Variants in MYT1L observed in about 807,000 individuals in gnomAD.
The protein encoded by MYT1L is myelin transcription factor 1-like protein.
Under a neutral mutation model 126.7 loss-of-function variants are expected in MYT1L, and 12 were observed. The ratio of observed to expected loss-of-function variants is 0.09; its 90% confidence interval spans 0.06 to 0.15. The LOEUF (loss-of-function observed/expected upper bound fraction) is 0.15, where lower values mean the gene tolerates loss of function less well. Among genes scored for constraint, MYT1L ranks in the 10% least tolerant of loss-of-function variants. The probability of loss-of-function intolerance (pLI) is 1.00; values close to 1 mark genes in which losing one functional copy is unlikely to be tolerated. For missense variants in MYT1L, 979 were observed against 1,585.2 expected (o/e 0.62, Z 6.49); for synonymous variants, 541 against 604.2 (o/e 0.90, Z 1.53).
chr2:1,880,757 C>CTT (rs553237851), intron 18 of MYT1L, among the ~76,000 whole-genome samples: 257 of 152,286 alleles, frequency 1.7e-3, no homozygotes, highest in African/African-American at 5.9e-3. Context: ...AACCCATGGT[C>CTT]TGCGTTTTCT....
Position 2,311,374 on chromosome 2 carries a change from C to T in MYT1L, c.-521+19593G>A, listed in dbSNP as rs115913595. Among the ~76,000 whole-genome samples, 435 of 152,296 alleles carry T rather than the reference C, an allele frequency of 2.9e-3. 2 individuals carry two copies. The highest frequency in any genetic ancestry group is 4.8e-3 in the Admixed American group (73 of 15,298). ...CTGAGCGGCCTGGATCAGGCTACTG[C>T]TCTGCCTTATCTAATAAACATTCTC... On this transcript the variant is annotated intron_variant, in intron 1 of 24. Coordinates refer to ENST00000647738, the MANE Select transcript of MYT1L (RefSeq NM_001303052.2).
chr2:2,210,901 T>A (rs1382275766), intron 2 of MYT1L, among the ~76,000 whole-genome samples: 3 of 152,178 alleles, frequency 2.0e-5, no homozygotes, highest in African/African-American at 2.4e-5. Flanking sequence ...CAATTTTTTT[T>A]AAAATCAGTG....
chr2:1,910,407 T>C lies in MYT1L; in HGVS notation c.1710-60A>G, dbSNP rs2051788034. The C allele has an allele frequency of 6.8e-7, 1 of 1,463,316 alleles. No individual in the cohort carries two copies. Among genetic ancestry groups the C allele is most frequent in the Admixed American group, 1.7e-5 (1 of 58,644 alleles). 90.6% of individuals were successfully genotyped at this position (1,463,316 alleles called of 1,614,324 possible). A position where few individuals can be genotyped will look rare whatever the true frequency, so the allele number is the denominator to read the frequency against. ...CTCAAACACCTTCACAGCACACTAA[T>C]CCTCCCTTAGCACCAAGACCCTGAT... On this transcript the variant is annotated intron_variant, in intron 12 of 24. Coordinates refer to ENST00000647738, the MANE Select transcript of MYT1L (RefSeq NM_001303052.2). This position sits in a 1 kb window ranked among gnomAD's most constrained non-coding sequence, Gnocchi z 4.8.
chr2:2,328,180 T>C (rs1646784645), intron 1 of MYT1L, among the ~76,000 whole-genome samples: 3 of 152,310 alleles, frequency 2.0e-5, no homozygotes, highest in Admixed American at 2.0e-4. Context: ...ACTTTACAAA[T>C]CTTTGAAATT....
chr2:2,200,396 T>C (rs2093012118), intron 2 of MYT1L, among the ~76,000 whole-genome samples: 1 of 152,112 alleles, frequency 6.6e-6, no homozygotes. Flanking sequence ...GTCCATGCGT[T>C]TTTCTGCTTC....
chr2:2,099,442 T>G (rs2077802239), intron 3 of MYT1L, among the ~76,000 whole-genome samples: 1 of 151,538 alleles, frequency 6.6e-6, no homozygotes, highest in Admixed American at 6.6e-5. Flanking sequence ...GGCAAACAGG[T>G]CTCCTAATGG....
chr2:2,286,323 CA>C (rs1055197416), intron 1 of MYT1L, among the ~76,000 whole-genome samples: 9 of 152,286 alleles, frequency 5.9e-5, no homozygotes, highest in African/African-American at 1.9e-4. Flanking sequence ...GCATTTGTGA[CA>C]TGCTTTGGCT....
At chr2:2,063,899 T>C (rs1558896515) in intron 3 of MYT1L, among the ~76,000 whole-genome samples, 1 of 152,096 alleles carries the variant, frequency 6.6e-6, no homozygotes, top group South Asian at 2.1e-4. Flanking sequence ...ATTCCTAACA[T>C]ATCTCTACAG....
intron 5 of MYT1L, among the ~76,000 whole-genome samples, chr2:1,993,955 T>G (rs2061631309): frequency 6.6e-6 from 1 of 152,240 alleles, no homozygotes. Flanking sequence ...TTCTTTCTTT[T>G]CACATTTTTC....
intron 13 of MYT1L, among the ~76,000 whole-genome samples, chr2:1,909,744 C>T (rs1450980179): frequency 6.6e-6 from 1 of 152,178 alleles, no homozygotes; most frequent in African/African-American, 2.4e-5. Context: ...CCCACCTACA[C>T]CTCAGGGCAT....
intron 4 of MYT1L, among the ~76,000 whole-genome samples, chr2:2,013,300 G>A (rs1045495711): frequency 2.0e-5 from 3 of 152,042 alleles, no homozygotes; most frequent in East Asian, 1.9e-4. Flanking sequence ...GGCTTCCCTC[G>A]AATGACGCAT....
intron 8 of MYT1L, among the ~76,000 whole-genome samples, chr2:1,977,183 C>T (rs2060251491): frequency 6.6e-6 from 1 of 152,168 alleles, no homozygotes; most frequent in South Asian, 2.1e-4. Flanking sequence ...TCCATGACTC[C>T]TCCCTAACAT....
chr2:1,954,752 A>G (rs1267874978), intron 8 of MYT1L, among the ~76,000 whole-genome samples: 2 of 152,084 alleles, frequency 1.3e-5, no homozygotes, highest in African/African-American at 4.8e-5. Flanking sequence ...TGAAAAAGTG[A>G]GAAACAAGCT....
At chr2:2,032,786 A>T (rs1184612935) in intron 4 of MYT1L, among the ~76,000 whole-genome samples, 1 of 110,354 alleles carries the variant, frequency 9.1e-6, no homozygotes, top group African/African-American at 3.7e-5. Context: ...AGATTCTAGA[A>T]GGAGGGCCTT....
chr2:2,172,061 A>G, intron 3 of MYT1L, among the ~76,000 whole-genome samples: 1 of 152,204 alleles, frequency 6.6e-6, no homozygotes, highest in East Asian at 1.9e-4. Flanking sequence ...TATTGAGAAG[A>G]TAATACCAGA....
chr2:1,892,201 C>A lies in MYT1L; in HGVS notation c.2119G>T (p.Gly707Trp). 6.5e-7 allele frequency: 1 copy of A among 1,549,800 alleles called. No individual in the cohort carries two copies. Among genetic ancestry groups the A allele is most frequent in the Non-Finnish European group, 8.7e-7 (1 of 1,146,362 alleles). The change falls in exon 15 of 25, where the codon GGG becomes TGG. Residue 707 changes from glycine to tryptophan, a missense_variant. Coordinates refer to ENST00000647738, the MANE Select transcript of MYT1L (RefSeq NM_001303052.2). ...CACGTGCTGCTGGCGCTGCTGCCCCCGCCGCAGCTCAGGTTGCTGCTGCTG... is the reference window on the plus strand; with the variant it reads ...CACGTGCTGCTGGCGCTGCTGCCCCAGCCGCAGCTCAGGTTGCTGCTGCTG... Reference protein sequence around the residue: ...PSSSSNLSCGGGSSASSTCSK... With the variant: ...PSSSSNLSCGWGSSASSTCSK...
intron 21 of MYT1L, among the ~76,000 whole-genome samples, chr2:1,813,547 G>A (rs73913416): frequency 0.029 from 4,482 of 152,240 alleles, 219 homozygotes; most frequent in African/African-American, 0.1. Flanking sequence ...GTGGGCGGGC[G>A]AGCATTCTCA....
intron 3 of MYT1L, among the ~76,000 whole-genome samples, chr2:2,126,933 T>C (rs1011234534): frequency 1.3e-5 from 2 of 152,320 alleles, no homozygotes; most frequent in East Asian, 1.9e-4. Flanking sequence ...GATGTGTCCA[T>C]GTATTTTAGC....
chr2:1,969,653 A>G (rs540627558), intron 8 of MYT1L, among the ~76,000 whole-genome samples: 114 of 152,304 alleles, frequency 7.5e-4, no homozygotes, highest in Non-Finnish European at 1.4e-3. Flanking sequence ...TGTCAGTGGC[A>G]CTCAGGAATG....
Sources: allele counts gnomAD v4.1 joint callset (sites outside exome capture counted in the v4.1 genomes callset), GRCh38; gene constraint gnomAD v4.1.1; non-coding constraint Gnocchi (gnomAD v3.1); transcripts MANE v1.5; gene names NCBI Gene and HGNC (gene_info 2026-07-23, HGNC 2026-07-21).